Variants in PREX2 observed in about 807,000 individuals in gnomAD.
The protein encoded by PREX2 is phosphatidylinositol-3,4,5-trisphosphate dependent Rac exchange factor 2, also known as phosphatidylinositol 3,4,5-trisphosphate-dependent Rac exchanger 2 protein.
A neutral mutation model predicts 203.2 loss-of-function variants in PREX2; 107 were observed. The observed-to-expected ratio is 0.53, with a 90% confidence interval of 0.45 to 0.62. The LOEUF (loss-of-function observed/expected upper bound fraction) is 0.62, where lower values mean the gene tolerates loss of function less well. Ranked by LOEUF, PREX2 falls within the 20% of genes least tolerant of loss-of-function variation. PREX2 has a pLI of 0.00. For synonymous variants in PREX2, 672 were observed against 663.6 expected (o/e 1.01, Z -0.19); for missense variants, 1,777 against 1,955.9 (o/e 0.91, Z 1.72).
chr8:68,103,708 G>T (rs774254368), intron 23 of PREX2: 2 of 519,548 alleles, frequency 3.8e-6, no homozygotes, highest in East Asian at 5.5e-5. Flanking sequence ...CCTTGTCTTA[G>T]TGGGATCTGA....
chr8:67,959,705 T>A (rs1228127030), intron 1 of PREX2, among the ~76,000 whole-genome samples: 1 of 152,182 alleles, frequency 6.6e-6, no homozygotes, highest in African/African-American at 2.4e-5. Context: ...TTGTGTATTT[T>A]ACAAATTCTG....
chr8:68,139,450 C>G (rs1056443382), intron 33 of PREX2, among the ~76,000 whole-genome samples: 2 of 152,116 alleles, frequency 1.3e-5, no homozygotes, highest in East Asian at 3.9e-4. Context: ...GAGATGGAAA[C>G]AGCAAGGAGG....
At chr8:68,059,059 A>G (rs1808766161) in intron 10 of PREX2, among the ~76,000 whole-genome samples, 3 of 152,198 alleles carry the variant, frequency 2.0e-5, no homozygotes, top group African/African-American at 4.8e-5. Flanking sequence ...TTTAACCTCA[A>G]TTATTTGACA....
chr8:68,076,724 C>CACACACAT (rs1303306098), intron 14 of PREX2, among the ~76,000 whole-genome samples: 5 of 145,996 alleles, frequency 3.4e-5, no homozygotes, highest in Admixed American at 2.7e-4. Context: ...CACACACACA[C>CACACACAT]ATGCATGTTC....
intron 31 of PREX2, 117 bp downstream of exon 31, chr8:68,127,536 C>A: frequency 1.6e-6 from 1 of 638,564 alleles, no homozygotes; most frequent in South Asian, 2.1e-5. Context: ...AATATGATCC[C>A]TACCTTCTCC....
At chr8:68,137,825 A>G (rs542873516) in intron 32 of PREX2, among the ~76,000 whole-genome samples, 61 of 152,336 alleles carry the variant, frequency 4.0e-4, no homozygotes, top group Non-Finnish European at 6.8e-4. Flanking sequence ...AAAACAAACC[A>G]GATCTGTTAC....
chr8:68,129,567 T>C (rs1213483691), intron 31 of PREX2, among the ~76,000 whole-genome samples: 1 of 152,170 alleles, frequency 6.6e-6, no homozygotes, highest in Non-Finnish European at 1.5e-5. Flanking sequence ...TTTTTGTTGT[T>C]TATTTTGCTT....
At position 68,108,180 on chromosome 8, in the gene PREX2, C is replaced by G; in HGVS notation, c.2787C>G (p.His929Gln). 2 of 1,613,816 alleles carry G rather than the reference C, an allele frequency of 1.2e-6. No homozygotes were observed. The highest frequency in any genetic ancestry group is 8.5e-7 in the Non-Finnish European group (1 of 1,179,762). Residue 929 changes from histidine to glutamine, a missense_variant, in exon 24 of 40, where the codon CAC (histidine) becomes CAG (glutamine). Transcript: ENST00000288368. Reference sequence around the variant, plus strand: ...CCAAATCTAAAATCTCCCCACTGCACAGCAGTGATTTCTGCCCTACCAACT... The same window carrying G: ...CCAAATCTAAAATCTCCCCACTGCAGAGCAGTGATTTCTGCCCTACCAACT... ...KQAKSKISPL[H>Q]SSDFCPTNCH...
intron 27 of PREX2, 75 bp from the exon 28 acceptor site, chr8:68,119,357 A>G (rs1810720632): frequency 1.1e-6 from 1 of 893,004 alleles, no homozygotes; most frequent in South Asian, 1.4e-5. Context: ...TTTATTGAAT[A>G]TTACAATATT....
At position 68,226,437 on chromosome 8, in the gene PREX2, G is replaced by A. The variant is rs540170167; in HGVS notation, c.4775+1811G>A. 2.0e-5 allele frequency among the ~76,000 whole-genome samples: 3 copies of A among 152,284 alleles called. No homozygotes were observed. The South Asian group carries it at 6.2e-4, about 32-fold the overall frequency. On this transcript the variant is annotated intron_variant, in intron 39 of 39. Transcript: ENST00000288368. ...TGAGAACCTGGACTCCAGCCCCAAA[G>A]ACAGTGAGTTGAAGAACACATTTGG...
rs573691511 is a variant in PREX2 at position 68,090,800 on chromosome 8, T to A, written c.2250+85T>A. On this transcript the variant is annotated intron_variant, in intron 20 of 39. Coordinates refer to ENST00000288368, the MANE Select transcript of PREX2 (RefSeq NM_024870.4). ...TTGAGGTGGGATAGTGCCAGAGATA[T>A]TTGTGGTTTCCAATTTTAAGTTTAA... The A allele has an allele frequency of 9.3e-6, 11 of 1,182,004 alleles. No individual in the cohort carries two copies. The South Asian group carries it at 1.9e-4, about 21-fold the overall frequency. 73.2% of individuals were successfully genotyped at this position (1,182,004 alleles called of 1,614,324 possible). A position where few individuals can be genotyped will look rare whatever the true frequency, so the allele number is the denominator to read the frequency against.
At chr8:68,206,105 G>C (rs1325079625) in intron 37 of PREX2, among the ~76,000 whole-genome samples, 1 of 152,174 alleles carries the variant, frequency 6.6e-6, no homozygotes. Context: ...GAATTTGGTA[G>C]AGTAGAAAGA....
At chr8:68,060,651 T>C in intron 10 of PREX2, 28 bp from the exon 11 acceptor site, 4 of 1,545,292 alleles carry the variant, frequency 2.6e-6, no homozygotes, top group Non-Finnish European at 2.7e-6. Flanking sequence ...ATTAACCGTT[T>C]AGCTTTTTCA....
chr8:68,006,966 C>G (rs898259705), intron 1 of PREX2, among the ~76,000 whole-genome samples: 2 of 152,018 alleles, frequency 1.3e-5, no homozygotes, highest in Non-Finnish European at 2.9e-5. Flanking sequence ...CAGAAAAAAA[C>G]TTCTTAAAAT....
At chr8:68,085,872 C>G (rs1461731679) in intron 18 of PREX2, among the ~76,000 whole-genome samples, 1 of 152,154 alleles carries the variant, frequency 6.6e-6, no homozygotes, top group African/African-American at 2.4e-5. Context: ...CTGTGAATTA[C>G]TCAAAATCCA....
At chr8:68,114,841 C>A (rs190263686) in intron 25 of PREX2, among the ~76,000 whole-genome samples, 2 of 152,154 alleles carry the variant, frequency 1.3e-5, no homozygotes, top group East Asian at 1.9e-4. Context: ...ATTCTCCCTG[C>A]CAAATAGGGA....
chr8:68,044,412 G>A (rs1355154942), intron 7 of PREX2, 75 bp from the exon 8 acceptor site: 19 of 1,038,096 alleles, frequency 1.8e-5, no homozygotes, highest in Non-Finnish European at 2.5e-5. Flanking sequence ...TCAAAGAATT[G>A]CCTAAAATAT....
intron 5 of PREX2, among the ~76,000 whole-genome samples, chr8:68,028,015 C>T (rs528352030): frequency 6.6e-6 from 1 of 152,006 alleles, no homozygotes; most frequent in Non-Finnish European, 1.5e-5. Context: ...GGAACCATAA[C>T]ATCAGGATGG....
intron 35 of PREX2, among the ~76,000 whole-genome samples, chr8:68,188,467 T>C (rs1015313816): frequency 5.9e-5 from 9 of 152,196 alleles, no homozygotes; most frequent in African/African-American, 2.2e-4. Flanking sequence ...CGAAACAGGC[T>C]TGCAAAGTCT....
Sources: allele counts gnomAD v4.1 joint callset (sites outside exome capture counted in the v4.1 genomes callset), GRCh38; gene constraint gnomAD v4.1.1; transcripts MANE v1.5; gene names NCBI Gene and HGNC (gene_info 2026-07-23, HGNC 2026-07-21).